Variants in GRB10 observed in about 807,000 individuals in gnomAD.
GRB10 encodes growth factor receptor-bound protein 10.
Under a neutral mutation model 80.9 loss-of-function variants are expected in GRB10, and 20 were observed. The ratio of observed to expected loss-of-function variants is 0.25; its 90% CI spans 0.17 to 0.36. GRB10 has a LOEUF of 0.36. GRB10 is among the 10% of genes least tolerant of loss of function. The pLI, the probability that GRB10 is intolerant of heterozygous loss-of-function variation, is 1.00. For synonymous variants in GRB10, 291 were observed against 291.5 expected, an observed-to-expected ratio of 1.00 and a Z score of 0.02; for missense variants, 548 against 747.7, an observed-to-expected ratio of 0.73 and a Z score of 3.12.
chr7:50,791,801 G>A (rs1185454654), intron 1 of GRB10, among the ~76,000 whole-genome samples: 3 of 152,110 alleles, frequency 2.0e-5, no homozygotes, highest in African/African-American at 4.8e-5. Context: ...CTAGAGTTTT[G>A]ATTTTTAAGA....
intron 1 of GRB10, chr7:50,792,345 C>G (rs751292107): frequency 5.1e-6 from 2 of 392,620 alleles, no homozygotes; most frequent in Non-Finnish European, 9.0e-6. Flanking sequence ...CTGTGGCTCT[C>G]TTACATTACC....
At chr7:50,754,811 T>G (rs1345716385) in intron 3 of GRB10, among the ~76,000 whole-genome samples, 1 of 152,146 alleles carries the variant, frequency 6.6e-6, no homozygotes. Flanking sequence ...TGTTAAGCCC[T>G]AACCCCCAGC....
chr7:50,685,942 A>G (rs2062056755), intron 5 of GRB10, among the ~76,000 whole-genome samples: 1 of 152,172 alleles, frequency 6.6e-6, no homozygotes, highest in South Asian at 2.1e-4. Context: ...GGGGCAGATG[A>G]TCTAGAGCTG....
At chr7:50,601,098 G>A (rs1176845210) in intron 17 of GRB10, among the ~76,000 whole-genome samples, 1 of 152,272 alleles carries the variant, frequency 6.6e-6, no homozygotes, top group East Asian at 1.9e-4. Context: ...CGATCCTTGG[G>A]ATGCAGAGAC....
chr7:50,674,244 C>T (rs2060654396), intron 6 of GRB10, among the ~76,000 whole-genome samples, 192 bp downstream of exon 6: 7 of 152,236 alleles, frequency 4.6e-5, no homozygotes, highest in Admixed American at 4.6e-4. Flanking sequence ...GAACTGGCTA[C>T]AAAGTTCAAC....
intron 6 of GRB10, among the ~76,000 whole-genome samples, chr7:50,670,241 T>C (rs368225911): frequency 7.1e-5 from 10 of 141,050 alleles, no homozygotes; most frequent in East Asian, 2.0e-4. Flanking sequence ...TTCAAACCCA[T>C]AGAAAATAGA....
chr7:50,764,452 G>A (rs1190297734), intron 2 of GRB10, among the ~76,000 whole-genome samples: 1 of 152,138 alleles, frequency 6.6e-6, no homozygotes. Context: ...AATCTTTGCT[G>A]AACTTATGGA....
Position 50,593,036 on chromosome 7 carries a change from C to G in GRB10, c.1701G>C (p.Leu567=). 2 of 1,614,232 alleles carry G rather than the reference C, an allele frequency of 1.2e-6. No homozygotes were observed. The highest frequency in any genetic ancestry group is 1.7e-6 in the Non-Finnish European group (2 of 1,180,040). Reference sequence around the variant, plus strand: ...GCTGGTAAAAGTCAACCAGCTGGATCAGGTCAGAGAATTTGGTGTTCCCGT... The same window carrying G: ...GCTGGTAAAAGTCAACCAGCTGGATGAGGTCAGAGAATTTGGTGTTCCCGT... ...LDDGNTKFSD[L]IQLVDFYQLN... Residue 567 remains leucine, a synonymous_variant, in exon 19 of 19, where the codon CTG becomes CTC. Coordinates refer to ENST00000401949, the MANE Select transcript of GRB10 (RefSeq NM_001350814.2).
At chr7:50,754,851 G>A (rs1293848588) in intron 3 of GRB10, among the ~76,000 whole-genome samples, 1 of 152,174 alleles carries the variant, frequency 6.6e-6, no homozygotes, top group Non-Finnish European at 1.5e-5. Flanking sequence ...TTTGGAAACA[G>A]AGCCTTTACA....
chr7:50,594,451 C>G (rs1322777997), intron 18 of GRB10, among the ~76,000 whole-genome samples: 2 of 152,212 alleles, frequency 1.3e-5, no homozygotes, highest in Admixed American at 6.5e-5. Context: ...GCCTGAAGAA[C>G]TCCAGGTTCA....
intron 2 of GRB10, among the ~76,000 whole-genome samples, chr7:50,761,035 T>C (rs966150176): frequency 2.6e-5 from 4 of 152,178 alleles, no homozygotes; most frequent in Non-Finnish European, 4.4e-5. Flanking sequence ...AAACACAACA[T>C]GCAAAGATAG....
At chr7:50,662,311 A>G (rs2715096) in intron 7 of GRB10, among the ~76,000 whole-genome samples, 137,341 of 152,220 alleles carry the variant, frequency 0.9, 62,156 homozygotes, top group African/African-American at 0.96. Context: ...TGCGAGGCAC[A>G]ATCAGGAAAC....
chr7:50,673,588 A>T lies in GRB10; in HGVS notation c.362+848T>A, dbSNP rs370197070. ...GTGCTCAAATCCCCCCTCCTTCTTCATCCTCAGGCAGCGCACAATCATCTC... is the reference window on the plus strand; with the variant it reads ...GTGCTCAAATCCCCCCTCCTTCTTCTTCCTCAGGCAGCGCACAATCATCTC... On this transcript the variant is annotated intron_variant, in intron 6 of 18. Coordinates refer to ENST00000401949, the MANE Select transcript of GRB10 (RefSeq NM_001350814.2). 3.3e-5 allele frequency among the ~76,000 whole-genome samples: 5 copies of T among 152,008 alleles called. No homozygotes were observed. The South Asian group carries it at 1.0e-3, about 32-fold the overall frequency.
chr7:50,691,686 C>A (rs1458635539), intron 5 of GRB10, among the ~76,000 whole-genome samples: 1 of 152,134 alleles, frequency 6.6e-6, no homozygotes, highest in Non-Finnish European at 1.5e-5. Flanking sequence ...GACTCCATTT[C>A]CATAAGGCAG....
At chr7:50,632,479 C>G (rs1043489609) in intron 7 of GRB10, among the ~76,000 whole-genome samples, 6 of 152,188 alleles carry the variant, frequency 3.9e-5, no homozygotes, top group Admixed American at 1.3e-4. Context: ...ACTGGAGGAG[C>G]CCCCACTGTC....
intron 5 of GRB10, among the ~76,000 whole-genome samples, chr7:50,693,833 G>A (rs1349908968): frequency 6.6e-6 from 1 of 152,040 alleles, no homozygotes; most frequent in Admixed American, 6.6e-5. Context: ...CCACTTTCAG[G>A]CAGGACCATA....
At position 50,595,533 on chromosome 7, in the gene GRB10, G is replaced by A; in HGVS notation, c.1545-3C>T. ...GGCTGTCACGGAGGAGAAAAAGCCTGGGGAAGGGAAAATAGTTGATTGCTA... is the reference window on the plus strand; with the variant it reads ...GGCTGTCACGGAGGAGAAAAAGCCTAGGGAAGGGAAAATAGTTGATTGCTA... On this transcript the variant is annotated splice_polypyrimidine_tract_variant and splice_region_variant and intron_variant, in intron 17 of 18. Transcript: ENST00000401949. The A allele has an allele frequency of 1.3e-6, 2 of 1,578,658 alleles. No individual in the cohort carries two copies. The highest frequency in any genetic ancestry group is 8.7e-7 in the Non-Finnish European group (1 of 1,147,934).
rs370691106 is a variant in GRB10 at position 50,619,303 on chromosome 7, C to T, written c.662-18G>A. The T allele has an allele frequency of 4.8e-6, 7 of 1,453,102 alleles. No homozygotes were observed. The African/African-American group carries it at 9.7e-5, about 20-fold the overall frequency. 90.0% of individuals were successfully genotyped at this position (1,453,102 alleles called of 1,614,324 possible). On this transcript the variant is annotated intron_variant, in intron 8 of 18. Transcript: ENST00000401949. ...GCACCTCTCTGCAGGGGCAAAGCATCACGTGTGAGACGCAACAGGTGGGAA... is the reference window on the plus strand; with the variant it reads ...GCACCTCTCTGCAGGGGCAAAGCATTACGTGTGAGACGCAACAGGTGGGAA...
intron 6 of GRB10, among the ~76,000 whole-genome samples, chr7:50,671,266 G>A (rs2244480): frequency 0.56 from 85,811 of 151,990 alleles, 24,699 homozygotes; most frequent in African/African-American, 0.66. Context: ...ACATACCTCA[G>A]AAACCCCCAT....
Sources: gnomAD v4.1 joint callset for allele counts (sites outside exome capture counted in the v4.1 genomes callset) on GRCh38, gnomAD v4.1.1 for gene constraint, MANE v1.5 for transcripts, NCBI Gene and HGNC (gene_info 2026-07-23, HGNC 2026-07-21) for gene names.